The following VRK2 variants were observed in gnomAD, a reference collection of about 807,000 sequenced individuals.
VRK2 encodes the protein serine/threonine-protein kinase VRK2.
Under a neutral mutation model 57.6 loss-of-function variants are expected in VRK2, and 60 were observed. That is an observed-to-expected ratio of 1.04 (90% CI 0.85 to 1.29). The LOEUF is 1.29. Among genes scored for constraint, VRK2 ranks in the 50% most tolerant of loss-of-function variants. The pLI, the probability that VRK2 is intolerant of heterozygous loss-of-function variation, is 0.00. For synonymous variants in VRK2, 231 were observed against 199.2 expected (o/e 1.16, Z -1.35); for missense variants, 705 against 588.1 (o/e 1.20, Z -2.06).
intron 11 of VRK2, among the ~76,000 whole-genome samples, chr2:58,145,752 C>A (rs1322285263): frequency 1.3e-5 from 2 of 151,858 alleles, no homozygotes; most frequent in African/African-American, 4.8e-5. Context: ...TTAGGTATTT[C>A]TCCTAATGCT....
At chr2:58,000,148 G>T (rs1024332187) in intron 1 of VRK2, among the ~76,000 whole-genome samples, 1 of 152,090 alleles carries the variant, frequency 6.6e-6, no homozygotes, top group African/African-American at 2.4e-5. Flanking sequence ...TGAGCTCCCT[G>T]CTCTTAAACT....
chr2:58,039,612 T>A (rs780205583), intron 3 of VRK2, among the ~76,000 whole-genome samples: 1 of 152,112 alleles, frequency 6.6e-6, no homozygotes, highest in African/African-American at 2.4e-5. Flanking sequence ...GACTAATTGT[T>A]TAAGGATGGG....
chr2:57,936,597 G>A (rs1394595808), intron 1 of VRK2, among the ~76,000 whole-genome samples: 1 of 150,618 alleles, frequency 6.6e-6, no homozygotes, highest in Non-Finnish European at 1.5e-5. Context: ...GCAGTGGAGG[G>A]ATCTCAGCTC....
chr2:58,111,318 T>C (rs6722988), intron 7 of VRK2, among the ~76,000 whole-genome samples: 62,938 of 151,918 alleles, frequency 0.41, 16,653 homozygotes, highest in African/African-American at 0.76. Flanking sequence ...GGCAAGAAAA[T>C]CATGTGAGAG....
At chr2:58,101,295 C>G (rs1441594650) in intron 7 of VRK2, among the ~76,000 whole-genome samples, 4 of 151,518 alleles carry the variant, frequency 2.6e-5, no homozygotes, top group Non-Finnish European at 4.4e-5. Context: ...ATAGAGAACT[C>G]CATATGACTA....
chr2:58,106,726 T>G (rs1238995828), intron 7 of VRK2, among the ~76,000 whole-genome samples: 2 of 151,948 alleles, frequency 1.3e-5, no homozygotes, highest in Non-Finnish European at 2.9e-5. Flanking sequence ...TTTTTAAGGA[T>G]AAGCACATGT....
chr2:57,937,980 C>T (rs774910908), intron 1 of VRK2, among the ~76,000 whole-genome samples: 11 of 151,694 alleles, frequency 7.3e-5, no homozygotes, highest in Non-Finnish European at 1.2e-4. Context: ...TACAGGTGCC[C>T]GCAACCACAC....
At chr2:58,158,127 A>T (rs1163015354) in intron 12 of VRK2, among the ~76,000 whole-genome samples, 1 of 152,098 alleles carries the variant, frequency 6.6e-6, no homozygotes, top group Non-Finnish European at 1.5e-5. Flanking sequence ...CTAAGTGGAG[A>T]TATCTCCCAG....
In VRK2 at chr2:58,144,012, T is replaced by C. The variant is rs536768460; in HGVS notation, c.1024-2304T>C. 1.8e-4 allele frequency among the ~76,000 whole-genome samples: 28 copies of C among 151,358 alleles called. 1 individual carries two copies. In the East Asian group the frequency reaches 5.0e-3, roughly 27 times the overall value. ...ATATATACACATACATATATACATA[T>C]ACACATATATATATACATATATACA... On this transcript the variant is annotated intron_variant, in intron 11 of 12. Coordinates refer to ENST00000340157, the MANE Select transcript of VRK2 (RefSeq NM_006296.7).
In VRK2 at chr2:58,132,644, A is replaced by G. The variant is rs563053590; in HGVS notation, c.797+716A>G. Among the ~76,000 whole-genome samples, 3 of 152,336 alleles carry G rather than the reference A, an allele frequency of 2.0e-5. No individual in the cohort carries two copies. In the South Asian group the frequency reaches 6.2e-4, roughly 32 times the overall value. On this transcript the variant is annotated intron_variant, in intron 9 of 12. Coordinates refer to ENST00000340157, the MANE Select transcript of VRK2 (RefSeq NM_006296.7). ...AAGATATGCTCAACAGTAGTTATCC[A>G]CAGGTAGCAAAAGCAGCAGCTAAGC...
chr2:58,089,082 G>A (rs936824003), intron 6 of VRK2, among the ~76,000 whole-genome samples: 2 of 152,134 alleles, frequency 1.3e-5, no homozygotes, highest in African/African-American at 4.8e-5. Flanking sequence ...ATCCATCCTC[G>A]AAGCCAGCAA....
intron 1 of VRK2, among the ~76,000 whole-genome samples, chr2:58,005,415 C>G (rs1673211544): frequency 6.6e-6 from 1 of 151,950 alleles, no homozygotes. Context: ...TCAGATATCT[C>G]TTGCTTTTTG....
intron 1 of VRK2, among the ~76,000 whole-genome samples, chr2:57,925,330 G>A (rs1253462973): frequency 6.6e-6 from 1 of 152,030 alleles, no homozygotes; most frequent in Non-Finnish European, 1.5e-5. Context: ...CTGCCATTGG[G>A]TTGTAGGCTT....
chr2:58,136,241 C>G (rs1322836063), intron 10 of VRK2, among the ~76,000 whole-genome samples: 2 of 152,138 alleles, frequency 1.3e-5, no homozygotes, highest in Non-Finnish European at 2.9e-5. Context: ...TTTCCCCTTT[C>G]TCTAGTACTT....
chr2:58,073,123 CT>C (rs1218674860), intron 2 of VRK2, among the ~76,000 whole-genome samples: 2 of 151,956 alleles, frequency 1.3e-5, no homozygotes, highest in Non-Finnish European at 2.9e-5. Context: ...CGTATTTTGA[CT>C]TTTAGTCATT....
At chr2:57,993,113 G>A (rs1672820326) in intron 1 of VRK2, among the ~76,000 whole-genome samples, 1 of 152,144 alleles carries the variant, frequency 6.6e-6, no homozygotes, top group Non-Finnish European at 1.5e-5. Context: ...TTAGTGTTCA[G>A]TAAATATTAT....
intron 1 of VRK2, among the ~76,000 whole-genome samples, chr2:57,950,137 A>G (rs1671380496): frequency 1.3e-5 from 2 of 152,364 alleles, no homozygotes; most frequent in Admixed American, 1.3e-4. Context: ...TGTGGAAGCT[A>G]TAGCAAATTA....
chr2:58,134,535 C>T, intron 9 of VRK2, among the ~76,000 whole-genome samples: 1 of 146,252 alleles, frequency 6.8e-6, no homozygotes, highest in Non-Finnish European at 1.5e-5. Flanking sequence ...GGCGTGAACC[C>T]GGGAAGCGGA....
At chr2:58,094,582 A>G (rs563181809) in intron 7 of VRK2, among the ~76,000 whole-genome samples, 115 of 152,286 alleles carry the variant, frequency 7.6e-4, no homozygotes, top group African/African-American at 2.6e-3. Flanking sequence ...GGGGTTTTCT[A>G]AATAATCATG....
Sources: allele counts gnomAD v4.1 joint callset (sites outside exome capture counted in the v4.1 genomes callset), GRCh38; gene constraint gnomAD v4.1.1; transcripts MANE v1.5; gene names NCBI Gene and HGNC (gene_info 2026-07-23, HGNC 2026-07-21).